The following ZSWIM7 variants were observed in gnomAD, a reference collection of about 807,000 sequenced individuals.
The protein encoded by ZSWIM7 is zinc finger SWIM-type containing 7.
A neutral mutation model predicts 21.1 loss-of-function variants in ZSWIM7; 22 were observed. The ratio of observed to expected loss-of-function variants is 1.04; its 90% CI spans 0.74 to 1.49. The LOEUF (loss-of-function observed/expected upper bound fraction) is 1.49, where lower values mean the gene tolerates loss of function less well. ZSWIM7 is among the 40% of genes most tolerant of loss of function. ZSWIM7 has a pLI of 0.00. For synonymous variants in ZSWIM7, 67 were observed against 66.5 expected (o/e 1.01, Z -0.04); for missense variants, 193 against 168.0 (o/e 1.15, Z -0.82).
At position 15,987,123 on chromosome 17, in the gene ZSWIM7, A is replaced by G. The variant is rs747430520; in HGVS notation, c.201+143T>C. 7.0e-6 allele frequency: 4 copies of G among 570,752 alleles called. No homozygotes were observed. The East Asian group carries it at 9.4e-5, about 13-fold the overall frequency. 35.4% of individuals were successfully genotyped at this position (570,752 alleles called of 1,614,324 possible). A position where few individuals can be genotyped will look rare whatever the true frequency, so the allele number is the denominator to read the frequency against. ...AAATAAAAATTTTAAAAAATTATCA[A>G]TTCGTTAATTTTACCAAGTTGGGGC... On this transcript the variant is annotated intron_variant, in intron 3 of 4. Coordinates refer to ENST00000399277, the MANE Select transcript of ZSWIM7 (RefSeq NM_001042697.2).
chr17:15,989,316 GT>G (rs1970453258), intron 2 of ZSWIM7, among the ~76,000 whole-genome samples: 1 of 151,782 alleles, frequency 6.6e-6, no homozygotes, highest in Admixed American at 6.6e-5. Flanking sequence ...AAAATTAAAA[GT>G]TTAATTTTTT....
intron 2 of ZSWIM7, among the ~76,000 whole-genome samples, chr17:15,987,570 G>A (rs1970429622): frequency 6.6e-6 from 1 of 151,916 alleles, no homozygotes; most frequent in African/African-American, 2.4e-5. Context: ...AGATCTTCTT[G>A]TATTATGTAT....
At chr17:15,990,315 TAA>T (rs1970466756) in intron 2 of ZSWIM7, among the ~76,000 whole-genome samples, 2 of 151,804 alleles carry the variant, frequency 1.3e-5, no homozygotes, top group South Asian at 4.1e-4. Context: ...TATTTTCCAA[TAA>T]AAGTTTTTTA....
In ZSWIM7 at chr17:15,999,652, G is replaced by A; in HGVS notation, c.-58C>T. 1 of 1,564,316 alleles carries A rather than the reference G, an allele frequency of 6.4e-7. No homozygotes were observed. The highest frequency in any genetic ancestry group is 8.7e-7 in the Non-Finnish European group (1 of 1,155,610). On this transcript the variant is annotated 5_prime_UTR_variant, in exon 1 of 5. Transcript: ENST00000399277. The stretch of plus-strand genomic sequence containing the variant: ...GACCGCCGCGACGCTCCAGCTGACT[G>A]CGCCTACCTGTGGAGGATCCTGACC...
At chr17:15,986,938 T>G (rs1342710699) in intron 3 of ZSWIM7, 1 of 162,464 alleles carries the variant, frequency 6.2e-6, no homozygotes, top group Non-Finnish European at 1.3e-5. Flanking sequence ...ATTTGAAGAT[T>G]GCTAAGATAA....
intron 1 of ZSWIM7, 138 bp downstream of exon 1, chr17:15,999,381 G>A: frequency 9.1e-7 from 1 of 1,095,192 alleles, no homozygotes; most frequent in African/African-American, 1.6e-5. Context: ...GTCTTTTTAC[G>A]AACAAGAGGT....
chr17:15,977,399 G>A lies in ZSWIM7; in HGVS notation c.*648C>T, dbSNP rs953289932. The A allele has an allele frequency of 6.6e-6, 1 of 152,102 alleles. No homozygotes were observed. Among genetic ancestry groups the A allele is most frequent in the Non-Finnish European group, 1.5e-5 (1 of 68,042 alleles). The allele number at this position is 152,102 out of a possible 1,614,324, so 9.4% of individuals were successfully genotyped here. ...TTAAAAATTACTAGTAATTCAGTTA[G>A]TTACTTAAGACTAAATAGGGTCAGG... is the stretch of plus-strand genomic sequence containing the variant. On this transcript the variant is annotated 3_prime_UTR_variant, in exon 5 of 5. Transcript: ENST00000399277.
chr17:15,991,089 C>CA (rs1970475818), intron 2 of ZSWIM7: 2 of 151,960 alleles, frequency 1.3e-5, no homozygotes, highest in South Asian at 4.1e-4. Context: ...GCCTCAGTGA[C>CA]AGAGTGAGAC....
At chr17:15,978,957 T>TTTTAA (rs1440652275) in intron 4 of ZSWIM7, among the ~76,000 whole-genome samples, 4 of 151,612 alleles carry the variant, frequency 2.6e-5, no homozygotes, top group African/African-American at 9.7e-5. Context: ...CTTTTTTTTT[T>TTTTAA]TTTTAATTTT....
intron 1 of ZSWIM7, 63 bp downstream of exon 1, chr17:15,999,456 C>A: frequency 6.4e-7 from 1 of 1,571,380 alleles, no homozygotes; most frequent in Non-Finnish European, 8.6e-7. Flanking sequence ...CCTCCCGGCC[C>A]GGCGGTGCCC....
intron 3 of ZSWIM7, among the ~76,000 whole-genome samples, 194 bp from the exon 4 acceptor site, chr17:15,981,338 C>G (rs1970352790): frequency 6.6e-6 from 1 of 152,078 alleles, no homozygotes; most frequent in African/African-American, 2.4e-5. Flanking sequence ...TCTCAGTGCT[C>G]ACCTTTAGGA....
At chr17:15,981,254 A>G (rs1970351916) in intron 3 of ZSWIM7, 110 bp from the exon 4 acceptor site, 1 of 678,156 alleles carries the variant, frequency 1.5e-6, no homozygotes, top group Non-Finnish European at 2.5e-6. Context: ...CACCGAGAAG[A>G]ACTGCAGTAA....
chr17:15,988,997 G>GT (rs757225439), intron 2 of ZSWIM7, among the ~76,000 whole-genome samples: 2 of 152,052 alleles, frequency 1.3e-5, no homozygotes. Flanking sequence ...TCTGGCCCAG[G>GT]TAACAGGGAG....
At chr17:15,990,471 G>C (rs910490172) in intron 2 of ZSWIM7, among the ~76,000 whole-genome samples, 1 of 151,840 alleles carries the variant, frequency 6.6e-6, no homozygotes, top group Non-Finnish European at 1.5e-5. Flanking sequence ...TTAGCCTCCC[G>C]AGTAGCTGGG....
chr17:15,981,028 C>T lies in ZSWIM7; in HGVS notation c.306+12G>A. ...ATTCAACTACAGTGGGAAGAGTCTT[C>T]CCCATCCTCACCAGGATGCTGTCAC... On this transcript the variant is annotated intron_variant, in intron 4 of 4. Transcript: ENST00000399277. 6.2e-7 allele frequency: 1 copy of T among 1,602,274 alleles called. No individual in the cohort carries two copies. The highest frequency in any genetic ancestry group is 8.5e-7 in the Non-Finnish European group (1 of 1,170,022).
At chr17:15,997,157 A>AC (rs1970565142) in intron 1 of ZSWIM7, among the ~76,000 whole-genome samples, 1 of 144,702 alleles carries the variant, frequency 6.9e-6, no homozygotes, top group African/African-American at 2.6e-5. Context: ...GACTGTCTCA[A>AC]AAAAAAAAAA....
chr17:15,990,245 AC>A (rs1368924946), intron 2 of ZSWIM7, among the ~76,000 whole-genome samples: 29 of 105,750 alleles, frequency 2.7e-4, no homozygotes, highest in Non-Finnish European at 8.8e-5. Flanking sequence ...AAAGCAATAA[AC>A]CAAAATTTAA....
At chr17:15,987,463 A>C (rs1156349150) in intron 2 of ZSWIM7, 95 bp from the exon 3 acceptor site, 1 of 1,067,664 alleles carries the variant, frequency 9.4e-7, no homozygotes, top group African/African-American at 1.6e-5. Flanking sequence ...ATTTTTTAAA[A>C]ATTCATTTTA....
chr17:15,998,728 C>T (rs947650876), intron 1 of ZSWIM7, among the ~76,000 whole-genome samples: 2 of 150,832 alleles, frequency 1.3e-5, no homozygotes, highest in African/African-American at 4.9e-5. Flanking sequence ...ATTGCATATG[C>T]ATTTAGGTTT....
Sources: allele counts gnomAD v4.1 joint callset (sites outside exome capture counted in the v4.1 genomes callset), GRCh38; gene constraint gnomAD v4.1.1; transcripts MANE v1.5; gene names NCBI Gene and HGNC (gene_info 2026-07-23, HGNC 2026-07-21).